SDK1: variants seen among roughly 807,000 people sequenced by gnomAD.
SDK1 encodes sidekick cell adhesion molecule 1.
A neutral mutation model predicts 245.5 loss-of-function variants in SDK1; 157 were observed. The observed-to-expected ratio is 0.64, with a 90% CI of 0.56 to 0.73. SDK1 has a LOEUF of 0.73. Ranked by LOEUF, SDK1 falls within the 30% of genes least tolerant of loss-of-function variation. The pLI, the probability that SDK1 is intolerant of heterozygous loss-of-function variation, is 0.00. For missense variants in SDK1, 3,583 were observed against 3,002.3 expected (o/e 1.19, Z -4.52); for synonymous variants, 1,647 against 1,278.5 (o/e 1.29, Z -6.15).
At chr7:3,778,309 G>T (rs1232752155) in intron 4 of SDK1, among the ~76,000 whole-genome samples, 1 of 152,108 alleles carries the variant, frequency 6.6e-6, no homozygotes, top group African/African-American at 2.4e-5. Flanking sequence ...GCATGAAAAA[G>T]CAAGGTGATA....
chr7:3,987,061 G>C (rs1056142565), intron 13 of SDK1, 125 bp from the exon 14 acceptor site: 1 of 888,936 alleles, frequency 1.1e-6, no homozygotes, highest in Non-Finnish European at 1.8e-6. Flanking sequence ...TTGTGTTTGG[G>C]CATATTTTAT....
intron 4 of SDK1, among the ~76,000 whole-genome samples, chr7:3,742,013 T>TATATATATATGC (rs200563302): frequency 6.9e-6 from 1 of 145,712 alleles, no homozygotes; most frequent in Non-Finnish European, 1.5e-5. Flanking sequence ...TATATATATA[T>TATATATATATGC]GCTGTATTTT....
intron 4 of SDK1, among the ~76,000 whole-genome samples, chr7:3,684,374 T>A (rs1784209733): frequency 6.6e-6 from 1 of 152,210 alleles, no homozygotes; most frequent in African/African-American, 2.4e-5. Context: ...GTAAAGTGCA[T>A]ACTGAAGCTC....
intron 1 of SDK1, among the ~76,000 whole-genome samples, chr7:3,398,735 G>C (rs1371558063): frequency 1.3e-5 from 2 of 148,158 alleles, no homozygotes; most frequent in African/African-American, 4.9e-5. Context: ...ACTTATGAAA[G>C]TGTATGGGTC....
intron 30 of SDK1, among the ~76,000 whole-genome samples, chr7:4,150,505 A>T (rs184548142): frequency 1.7e-4 from 26 of 152,352 alleles, no homozygotes; most frequent in African/African-American, 6.0e-4. Context: ...AGGGGAGACC[A>T]TGATCCCACT....
At chr7:3,947,557 T>C (rs1401222625) in intron 5 of SDK1, among the ~76,000 whole-genome samples, 1 of 151,638 alleles carries the variant, frequency 6.6e-6, no homozygotes, top group Non-Finnish European at 1.5e-5. Context: ...TGTGTGTGTG[T>C]GTGTGTGTGT....
intron 1 of SDK1, among the ~76,000 whole-genome samples, chr7:3,525,653 A>T (rs551785506): frequency 6.6e-6 from 1 of 152,178 alleles, no homozygotes; most frequent in South Asian, 2.1e-4. Flanking sequence ...CCCATTTCTA[A>T]TGAAGGGATT....
chr7:3,817,809 C>G (rs1011222850), intron 4 of SDK1, among the ~76,000 whole-genome samples: 1 of 152,180 alleles, frequency 6.6e-6, no homozygotes, highest in Non-Finnish European at 1.5e-5. Context: ...ATGATTTTGC[C>G]TAGCACCTCA....
chr7:3,397,845 C>G (rs943326957), intron 1 of SDK1, among the ~76,000 whole-genome samples: 15 of 152,112 alleles, frequency 9.9e-5, no homozygotes, highest in African/African-American at 3.1e-4. Flanking sequence ...TCCATTAGAG[C>G]TTTTGGCATA....
rs71029672 is a variant in SDK1 at position 3,435,321 on chromosome 7, C to CTTTTTTTTTTTTTTTTTTTT, written c.298+133445_298+133464dup. 2.5e-4 allele frequency among the ~76,000 whole-genome samples: 14 copies of CTTTTTTTTTTTTTTTTTTTT among 56,898 alleles called. 1 individual carries two copies. Among genetic ancestry groups the CTTTTTTTTTTTTTTTTTTTT allele is most frequent in the African/African-American group, 1.0e-3 (11 of 10,994 alleles). 37.3% of individuals were successfully genotyped at this position (56,898 alleles called of 152,430 possible). A position where few individuals can be genotyped will look rare whatever the true frequency, so the allele number is the denominator to read the frequency against. On this transcript the variant is annotated intron_variant, in intron 1 of 44. Coordinates refer to ENST00000404826, the MANE Select transcript of SDK1 (RefSeq NM_152744.4). ...ATACTTGACTTATGAAGGGGACTGC[C>CTTTTTTTTTTTTTTTTTTTT]TTTTTTTTTTTTTTTTTTTTTTTTT...
At chr7:3,581,809 T>C (rs558239419) in intron 1 of SDK1, among the ~76,000 whole-genome samples, 1 of 152,356 alleles carries the variant, frequency 6.6e-6, no homozygotes, top group East Asian at 1.9e-4. Context: ...CAGAATACTA[T>C]GCGGCCATGA....
chr7:4,030,301 T>C (rs78981731), intron 17 of SDK1, among the ~76,000 whole-genome samples: 10 of 152,234 alleles, frequency 6.6e-5, no homozygotes, highest in African/African-American at 2.2e-4. Context: ...CAGCTATATA[T>C]GTGTACGAAA....
intron 4 of SDK1, among the ~76,000 whole-genome samples, chr7:3,794,698 G>A (rs1778919774): frequency 6.6e-6 from 1 of 152,100 alleles, no homozygotes; most frequent in Admixed American, 6.5e-5. Context: ...CTCGACCTTG[G>A]ACTTCTCAGA....
chr7:3,478,308 AC>A (rs1781407509), intron 1 of SDK1, among the ~76,000 whole-genome samples: 1 of 151,924 alleles, frequency 6.6e-6, no homozygotes, highest in South Asian at 2.1e-4. Flanking sequence ...GAGAGTGTTG[AC>A]TTATTTTTTG....
At chr7:3,776,839 ATGTC>A (rs1247398556) in intron 4 of SDK1, among the ~76,000 whole-genome samples, 1 of 152,176 alleles carries the variant, frequency 6.6e-6, no homozygotes, top group Non-Finnish European at 1.5e-5. Context: ...TGACCTGAGA[ATGTC>A]AGTCAGTAGT....
intron 40 of SDK1, 93 bp downstream of exon 40, chr7:4,221,457 G>C: frequency 7.6e-6 from 11 of 1,447,356 alleles, no homozygotes; most frequent in Non-Finnish European, 1.0e-5. Flanking sequence ...TTCTCTTTCA[G>C]CATTTTCCCC....
chr7:3,984,005 A>C (rs1467543733), intron 13 of SDK1, among the ~76,000 whole-genome samples: 1 of 152,182 alleles, frequency 6.6e-6, no homozygotes, highest in Non-Finnish European at 1.5e-5. Flanking sequence ...TTGCTTTCTA[A>C]GTTTTTAAGT....
intron 1 of SDK1, among the ~76,000 whole-genome samples, chr7:3,306,775 C>T (rs1359308364): frequency 1.3e-5 from 2 of 152,148 alleles, no homozygotes; most frequent in South Asian, 2.1e-4. Flanking sequence ...TAGGATTTGG[C>T]GTCTAAGGTG....
chr7:3,722,391 C>A (rs950499704), intron 4 of SDK1, among the ~76,000 whole-genome samples: 1 of 152,108 alleles, frequency 6.6e-6, no homozygotes, highest in South Asian at 2.1e-4. Flanking sequence ...GGAAGGGGCA[C>A]CCTGGGGAGT....
Sources: gnomAD v4.1 joint callset for allele counts (sites outside exome capture counted in the v4.1 genomes callset) on GRCh38, gnomAD v4.1.1 for gene constraint, MANE v1.5 for transcripts, NCBI Gene and HGNC (gene_info 2026-07-23, HGNC 2026-07-21) for gene names.